RGS9BP: variants seen among roughly 807,000 people sequenced by gnomAD.
RGS9BP encodes regulator of G protein signaling 9-binding protein.
In RGS9BP, 1 loss-of-function variant was observed where a neutral mutation model predicts 3.8. The ratio of observed to expected loss-of-function variants is 0.26; its 90% CI spans 0.09 to 1.24. The LOEUF is 1.24. Ranked by LOEUF, RGS9BP falls within the 50% of genes most tolerant of loss-of-function variation. RGS9BP has a pLI of 0.48. For missense variants in RGS9BP, 363 were observed against 344.3 expected (o/e 1.05, Z -0.43); for synonymous variants, 200 against 177.8 (o/e 1.13, Z -1.00).
rs766991365 is a variant in RGS9BP at position 32,676,620 on chromosome 19, C to T, written c.357C>T (p.Gly119=). ...RRPLVRTGVA[G]ASSGVAARAL... is the part of the protein sequence containing the mutation. ...CGCTGGTGCGCACAGGTGTGGCTGG[C>T]GCCTCCTCCGGCGTGGCGGCGCGCG... Residue 119 remains glycine, a synonymous_variant, in exon 1 of 1, where the codon GGC becomes GGT. Coordinates refer to ENST00000334176, the MANE Select transcript of RGS9BP (RefSeq NM_207391.3). 5 of 1,513,784 alleles carry T rather than the reference C, an allele frequency of 3.3e-6. No homozygotes were observed. The Admixed American group carries it at 6.0e-5, about 18-fold the overall frequency. The allele number at this position is 1,513,784 out of a possible 1,614,324, so 93.8% of individuals were successfully genotyped here.
Position 32,677,072 on chromosome 19 carries a change from C to T in RGS9BP, c.*101C>T, listed in dbSNP as rs1171681727. 2.9e-6 allele frequency: 3 copies of T among 1,018,084 alleles called. No homozygotes were observed. Among genetic ancestry groups the T allele is most frequent in the Non-Finnish European group, 4.5e-6 (3 of 662,706 alleles). 63.1% of individuals were successfully genotyped at this position (1,018,084 alleles called of 1,614,324 possible). A position where few individuals can be genotyped will look rare whatever the true frequency, so the allele number is the denominator to read the frequency against. On this transcript the variant is annotated 3_prime_UTR_variant, in exon 1 of 1. Coordinates refer to ENST00000334176, the MANE Select transcript of RGS9BP (RefSeq NM_207391.3). ...TGTGCAAGGGGAGTGGTCCTAAAAC[C>T]CCGTGTGTGCATGGGTACACGCGCG...
rs1194280052 is a variant in RGS9BP at position 32,677,783 on chromosome 19, C to G, written c.*812C>G. On this transcript the variant is annotated 3_prime_UTR_variant, in exon 1 of 1. Transcript: ENST00000334176. ...GAGCAGAGGCTTGGGGTAGGGCCAC[C>G]TGGTGTTTAAACAGGCACTTTCTCC... 1.2e-5 allele frequency: 2 copies of G among 167,194 alleles called. No individual in the cohort carries two copies. Among genetic ancestry groups the G allele is most frequent in the African/African-American group, 2.4e-5 (1 of 41,460 alleles). The allele number at this position is 167,194 out of a possible 1,614,324, so 10.4% of individuals were successfully genotyped here.
chr19:32,677,270 CAT>C lies in RGS9BP; in HGVS notation c.*300_*301del, dbSNP rs1017872777. 8.7e-5 allele frequency: 37 copies of C among 427,632 alleles called. 1 individual carries two copies. The highest frequency in any genetic ancestry group is 1.6e-4 in the Non-Finnish European group (35 of 225,276). 26.5% of individuals were successfully genotyped at this position (427,632 alleles called of 1,614,324 possible). ...ATCCCTCCGAGTTAATGAGTTAACA[CAT>C]GTGCTGTTGGGGCGTCTTTACAGGG... is the stretch of plus-strand genomic sequence containing the variant. On this transcript the variant is annotated 3_prime_UTR_variant, in exon 1 of 1. Transcript: ENST00000334176.
In RGS9BP at chr19:32,676,035, G is replaced by A. The variant is rs1453418344; in HGVS notation, c.-229G>A. The stretch of plus-strand genomic sequence containing the variant: ...GCGCCTGGGGAGGATGGACGAGGGA[G>A]CGGGGGACCGCTAACGGGGCTCCCT... On this transcript the variant is annotated 5_prime_UTR_variant, in exon 1 of 1. Coordinates refer to ENST00000334176, the MANE Select transcript of RGS9BP (RefSeq NM_207391.3). The A allele has an allele frequency of 5.8e-6, 3 of 516,876 alleles. No individual in the cohort carries two copies. In the East Asian group the frequency reaches 1.0e-4, roughly 18 times the overall value. The allele number at this position is 516,876 out of a possible 1,614,324, so 32.0% of individuals were successfully genotyped here. A position where few individuals can be genotyped will look rare whatever the true frequency, so the allele number is the denominator to read the frequency against.
At position 32,676,647 on chromosome 19, in the gene RGS9BP, G is replaced by A. The variant is rs1168475742; in HGVS notation, c.384G>A (p.Ala128=). 6.5e-7 allele frequency: 1 copy of A among 1,532,178 alleles called. No individual in the cohort carries two copies. The highest frequency in any genetic ancestry group is 2.5e-5 in the East Asian group (1 of 40,758). 94.9% of individuals were successfully genotyped at this position (1,532,178 alleles called of 1,614,324 possible). Residue 128 remains alanine (A), a synonymous_variant, in exon 1 of 1, where the codon GCG becomes GCA. Transcript: ENST00000334176. ...AGASSGVAAR[A]LSTRSLRLEA... is the part of the protein sequence containing the mutation. ...CCTCCTCCGGCGTGGCGGCGCGCGCGCTGAGCACCCGCAGCCTGCGGCTCG... is the reference window on the plus strand; with the variant it reads ...CCTCCTCCGGCGTGGCGGCGCGCGCACTGAGCACCCGCAGCCTGCGGCTCG...
rs1418094821 is a variant in RGS9BP at position 32,676,515 on chromosome 19, C to T, written c.252C>T (p.Gly84=). 1.3e-6 allele frequency: 2 copies of T among 1,522,076 alleles called. No individual in the cohort carries two copies. The highest frequency in any genetic ancestry group is 1.2e-5 in the South Asian group (1 of 82,730). 94.3% of individuals were successfully genotyped at this position (1,522,076 alleles called of 1,614,324 possible). ...EFERLWVAFS[G]CLDLLEADMR... is the part of the protein sequence containing the mutation. ...AGCGGCTCTGGGTGGCCTTCTCGGG[C>T]TGCCTGGACCTGCTGGAAGCGGACA... Residue 84 remains glycine (G), a synonymous_variant, in exon 1 of 1, where the codon GGC becomes GGT. Transcript: ENST00000334176.
rs1339386901 is a variant in RGS9BP at position 32,676,947 on chromosome 19, C to A, written c.684C>A (p.Ala228=). 2 of 1,603,374 alleles carry A rather than the reference C, an allele frequency of 1.2e-6. No individual in the cohort carries two copies. Among genetic ancestry groups the A allele is most frequent in the Admixed American group, 3.4e-5 (2 of 59,294 alleles). Reference sequence around the variant, plus strand: ...TGCTGCTGGCGGCTGTGGCCCTAGCCGTGTGCGTGGCGAAGCTGAGCTGAC... The same window carrying A: ...TGCTGCTGGCGGCTGTGGCCCTAGCAGTGTGCGTGGCGAAGCTGAGCTGAC... ...GAVLLAAVAL[A]VCVAKLS The change falls in exon 1 of 1, where the codon GCC becomes GCA. Residue 228 remains alanine (A), a synonymous_variant. Transcript: ENST00000334176.
At position 32,677,116 on chromosome 19, in the gene RGS9BP, C is replaced by G. The variant is rs1599787596; in HGVS notation, c.*145C>G. 2.8e-6 allele frequency: 2 copies of G among 718,684 alleles called. No homozygotes were observed. The highest frequency in any genetic ancestry group is 3.6e-5 in the African/African-American group (2 of 56,258). The allele number at this position is 718,684 out of a possible 1,614,324, so 44.5% of individuals were successfully genotyped here. On this transcript the variant is annotated 3_prime_UTR_variant, in exon 1 of 1. Coordinates refer to ENST00000334176, the MANE Select transcript of RGS9BP (RefSeq NM_207391.3). ...ACGCGCGTTTCCAGTGCACATCTGC[C>G]TGGGCAGGACACGGTTTCCTCTTGC... is the stretch of plus-strand genomic sequence containing the variant.
chr19:32,676,463 T>C lies in RGS9BP; in HGVS notation c.200T>C (p.Leu67Pro). 6.4e-7 allele frequency: 1 copy of C among 1,569,424 alleles called. No homozygotes were observed. The highest frequency in any genetic ancestry group is 1.1e-5 in the South Asian group (1 of 87,612). ...ACTGCTGTGCTGCGCGACCGGGGCC[T>C]GGCCGCCGACGAGCGCGCCGAGTTC... ...RLTAVLRDRGLAADERAEFER... is the reference protein window; with the variant it reads ...RLTAVLRDRGPAADERAEFER... The change falls in exon 1 of 1, where the codon CTG becomes CCG. Residue 67 changes from leucine (L) to proline (P), a missense_variant. Transcript: ENST00000334176.
In RGS9BP at chr19:32,676,127, G is replaced by T. The variant is rs776260575; in HGVS notation, c.-137G>T. ...GCGGGCTCCGTGGACGTTGGCGGTA[G>T]CGCCGAGCGAGTCACGGACCATGAA... On this transcript the variant is annotated 5_prime_UTR_variant, in exon 1 of 1. Transcript: ENST00000334176. The T allele has an allele frequency of 6.7e-6, 4 of 598,648 alleles. No homozygotes were observed. Among genetic ancestry groups the T allele is most frequent in the South Asian group, 2.3e-5 (1 of 43,724 alleles). The allele number at this position is 598,648 out of a possible 1,614,324, so 37.1% of individuals were successfully genotyped here.
chr19:32,676,321 T>C lies in RGS9BP; in HGVS notation c.58T>C (p.Tyr20His). Residue 20 changes from tyrosine to histidine, a missense_variant, in exon 1 of 1, where the codon TAC (tyrosine) becomes CAC (histidine). Physicochemically the swap from Tyr to His is moderately conservative, Grantham distance 83. Coordinates refer to ENST00000334176, the MANE Select transcript of RGS9BP (RefSeq NM_207391.3). ...LDGLNKTTAC[Y>H]HHLVLTVGGS... ...CGGGCTCAACAAGACGACTGCGTGC[T>C]ACCACCACCTGGTGCTGACCGTCGG... is the stretch of plus-strand genomic sequence containing the variant. 6.2e-7 allele frequency: 1 copy of C among 1,610,172 alleles called. No individual in the cohort carries two copies.
chr19:32,676,982 A>G lies in RGS9BP; in HGVS notation c.*11A>G. 1.3e-6 allele frequency: 2 copies of G among 1,591,814 alleles called. No individual in the cohort carries two copies. Among genetic ancestry groups the G allele is most frequent in the Admixed American group, 1.8e-5 (1 of 56,950 alleles). ...GCGAAGCTGAGCTGACGGACACCCG[A>G]CGGCCGCCTGCTGCTGCCGCTCCCT... On this transcript the variant is annotated 3_prime_UTR_variant, in exon 1 of 1. Transcript: ENST00000334176.
rs143738261 is a variant in RGS9BP, at chr19:32,676,293, G to A, written c.30G>A (p.Leu10=). The part of the protein sequence containing the change: MAREECKAL[L]DGLNKTTACY... Reference sequence around the variant, plus strand: ...CGAGGGAGGAGTGCAAGGCGCTGCTGGACGGGCTCAACAAGACGACTGCGT... The same window carrying A: ...CGAGGGAGGAGTGCAAGGCGCTGCTAGACGGGCTCAACAAGACGACTGCGT... The change falls in exon 1 of 1, where the codon CTG becomes CTA. Residue 10 remains leucine, a synonymous_variant. Transcript: ENST00000334176. 552 of 1,601,670 alleles carry A rather than the reference G, an allele frequency of 3.4e-4. 1 individual carries two copies. The African/African-American group carries it at 6.8e-3, about 20-fold the overall frequency.
chr19:32,676,707 G>A lies in RGS9BP; in HGVS notation c.444G>A (p.Arg148=), dbSNP rs1968011157. Residue 148 remains arginine (R), a synonymous_variant, in exon 1 of 1, where the codon CGG becomes CGA. Transcript: ENST00000334176. ...AEGDFDVADL[R]ELEREVLQVG... ...GCGACTTCGACGTCGCGGACCTGCG[G>A]GAGCTGGAGCGCGAGGTCCTTCAGG... is the stretch of plus-strand genomic sequence containing the variant. The A allele has an allele frequency of 1.9e-6, 3 of 1,541,136 alleles. No individual in the cohort carries two copies. Among genetic ancestry groups the A allele is most frequent in the Middle Eastern group, 1.7e-4 (1 of 5,998 alleles).
Position 32,677,040 on chromosome 19 carries a change from TCTGG to T in RGS9BP, c.*71_*74del. 1 of 1,388,618 alleles carries T rather than the reference TCTGG, an allele frequency of 7.2e-7. No homozygotes were observed. The highest frequency in any genetic ancestry group is 1.0e-6 in the Non-Finnish European group (1 of 996,922). The allele number at this position is 1,388,618 out of a possible 1,614,324, so 86.0% of individuals were successfully genotyped here. On this transcript the variant is annotated 3_prime_UTR_variant, in exon 1 of 1. Coordinates refer to ENST00000334176, the MANE Select transcript of RGS9BP (RefSeq NM_207391.3). Reference sequence around the variant, plus strand: ...GAAAAGACTCGGGATGGGTGTGGGGTCTGGCCTGTGCAAGGGGAGTGGTCCTAAA... The same window carrying T: ...GAAAAGACTCGGGATGGGTGTGGGGTCCTGTGCAAGGGGAGTGGTCCTAAA...
In RGS9BP at chr19:32,676,342, G is replaced by C; in HGVS notation, c.79G>C (p.Val27Leu). ...GTGCTACCACCACCTGGTGCTGACC[G>C]TCGGTGGCTCGGCGGACTCGCAGAA... ...TACYHHLVLT[V>L]GGSADSQNLR... The change falls in exon 1 of 1, where the codon GTC becomes CTC. Residue 27 changes from valine (V) to leucine (L), a missense_variant. By Grantham distance (32) the Val-to-Leu change is conservative (BLOSUM62 1). Coordinates refer to ENST00000334176, the MANE Select transcript of RGS9BP (RefSeq NM_207391.3). The C allele has an allele frequency of 6.2e-7, 1 of 1,611,260 alleles. No individual in the cohort carries two copies. Among genetic ancestry groups the C allele is most frequent in the South Asian group, 1.1e-5 (1 of 90,872 alleles).
chr19:32,676,310 C>T lies in RGS9BP; in HGVS notation c.47C>T (p.Thr16Met), dbSNP rs993467550. ...CKALLDGLNK[T>M]TACYHHLVLT... Reference sequence around the variant, plus strand: ...GCGCTGCTGGACGGGCTCAACAAGACGACTGCGTGCTACCACCACCTGGTG... The same window carrying T: ...GCGCTGCTGGACGGGCTCAACAAGATGACTGCGTGCTACCACCACCTGGTG... The change falls in exon 1 of 1, where the codon ACG (threonine) becomes ATG (methionine). Residue 16 changes from threonine (T) to methionine (M), a missense_variant. Coordinates refer to ENST00000334176, the MANE Select transcript of RGS9BP (RefSeq NM_207391.3). 1.2e-6 allele frequency: 2 copies of T among 1,608,514 alleles called. No homozygotes were observed. The highest frequency in any genetic ancestry group is 1.7e-6 in the Non-Finnish European group (2 of 1,177,156).
chr19:32,676,852 G>A lies in RGS9BP; in HGVS notation c.589G>A (p.Val197Met), dbSNP rs756220101. The A allele has an allele frequency of 1.9e-6, 3 of 1,591,358 alleles. No homozygotes were observed. The African/African-American group carries it at 4.0e-5, about 21-fold the overall frequency. ...GGTCAGCGCCGGCCCCTCCTCGGTC[G>A]TGTCCTTGCAGGAGCGCGGGGGGGG... is the stretch of plus-strand genomic sequence containing the variant. Reference protein sequence around the residue: ...STVSAGPSSVVSLQERGGGCD... With the variant: ...STVSAGPSSVMSLQERGGGCD... The change falls in exon 1 of 1, where the codon GTG becomes ATG. Residue 197 changes from valine (V) to methionine (M), a missense_variant. Transcript: ENST00000334176.
chr19:32,675,903 T>C lies in RGS9BP; in HGVS notation c.-361T>C, dbSNP rs1310212867. ...CGGAGCGCGCGGCTCTGCAGCCTGCTTGCCCCGGAGTTGGCACCCACGGAG... is the reference window on the plus strand; with the variant it reads ...CGGAGCGCGCGGCTCTGCAGCCTGCCTGCCCCGGAGTTGGCACCCACGGAG... On this transcript the variant is annotated 5_prime_UTR_variant, in exon 1 of 1. Transcript: ENST00000334176. The C allele has an allele frequency of 1.9e-5, 4 of 210,488 alleles. No individual in the cohort carries two copies. Among genetic ancestry groups the C allele is most frequent in the East Asian group, 1.1e-4 (1 of 9,044 alleles). The allele number at this position is 210,488 out of a possible 1,614,324, so 13.0% of individuals were successfully genotyped here.
Sources: allele counts gnomAD v4.1 joint callset, GRCh38; gene constraint gnomAD v4.1.1; transcripts MANE v1.5; gene names NCBI Gene and HGNC (gene_info 2026-07-23, HGNC 2026-07-21).